Variants in DMD observed in about 807,000 individuals in gnomAD.
The protein encoded by DMD is dystrophin, also known as mutant dystrophin.
In DMD, 63 loss-of-function variants were observed where a neutral mutation model predicts 330.1. That is an observed-to-expected ratio of 0.19 (90% confidence interval 0.16 to 0.24). DMD has a LOEUF of 0.24. Among genes scored for constraint, DMD ranks in the 10% least tolerant of loss-of-function variants. The pLI is 1.00. For missense variants in DMD, 3,344 were observed against 2,684.1 expected, an observed-to-expected ratio of 1.25 and a Z score of -5.43; for synonymous variants, 1,223 against 959.8, an observed-to-expected ratio of 1.27 and a Z score of -5.07.
chrX:33,129,617 AT>A (rs200389574), intron 1 of DMD, among the ~76,000 whole-genome samples: 19 of 105,694 alleles, frequency 1.8e-4, no homozygotes, highest in African/African-American at 5.8e-4. Flanking sequence ...AATGTGACTG[AT>A]TTTTTTTTTC....
chrX:31,924,616 T>C lies in DMD; in HGVS notation c.6912+4980A>G, dbSNP rs149622628. ...GGTGATTTTTTGAAAATAATACCTG[T>C]ATTATTATCAATATTACAAAAATTA... On this transcript the variant is annotated intron_variant, in intron 47 of 78. Transcript: ENST00000357033. Among the ~76,000 whole-genome samples the C allele has an allele frequency of 3.6e-3, 408 of 112,041 alleles. 2 individuals are homozygous for C. The highest frequency in any genetic ancestry group is 0.012 in the African/African-American group (380 of 30,843).
intron 54 of DMD, among the ~76,000 whole-genome samples, chrX:31,654,578 TA>T (rs1261257320): frequency 1.8e-5 from 2 of 111,749 alleles, no homozygotes; most frequent in Non-Finnish European, 1.9e-5. Flanking sequence ...TACGTAGCCA[TA>T]AAAAAAGAAT....
intron 17 of DMD, among the ~76,000 whole-genome samples, chrX:32,522,373 GCAT>G (rs1569565281): frequency 9.0e-6 from 1 of 110,990 alleles, no homozygotes; most frequent in African/African-American, 3.3e-5. Flanking sequence ...TTTAATTGAC[GCAT>G]AATAGATGTA....
chrX:31,700,176 A>G (rs2083717500), intron 52 of DMD, among the ~76,000 whole-genome samples: 1 of 105,013 alleles, frequency 9.5e-6, no homozygotes, highest in Non-Finnish European at 2.0e-5. Flanking sequence ...ACATAGTGAG[A>G]CTCTGTCTCA....
At chrX:31,134,446 G>A (rs1394477950) in intron 76 of DMD, among the ~76,000 whole-genome samples, 21 of 97,805 alleles carry the variant, frequency 2.1e-4, no homozygotes, top group African/African-American at 7.8e-4. Context: ...TTTTTGAGAT[G>A]GAGTCTTGCT....
At chrX:32,426,753 T>C (rs12012720) in intron 29 of DMD, among the ~76,000 whole-genome samples, 16,375 of 111,344 alleles carry the variant, frequency 0.15, 993 homozygotes, top group African/African-American at 0.2. Context: ...GTGGTGCATA[T>C]ACACCATGGA....
At chrX:32,665,282 G>C (rs1422874240) in intron 9 of DMD, among the ~76,000 whole-genome samples, 1 of 111,055 alleles carries the variant, frequency 9.0e-6, no homozygotes, top group Non-Finnish European at 1.9e-5. Context: ...TATGGGCTGT[G>C]GAATCAAAAT....
chrX:32,943,238 T>C (rs943818856), intron 2 of DMD, among the ~76,000 whole-genome samples: 5 of 111,706 alleles, frequency 4.5e-5, no homozygotes, highest in Non-Finnish European at 9.4e-5. Context: ...GTACAGATAA[T>C]TTGATTAAAA....
At chrX:31,183,302 T>C (rs916003119) in intron 67 of DMD, among the ~76,000 whole-genome samples, 1 of 108,782 alleles carries the variant, frequency 9.2e-6, no homozygotes, top group African/African-American at 3.3e-5. Context: ...GGGGGACAAC[T>C]GATTTTTTTT....
chrX:31,661,151 G>A (rs917452389), intron 53 of DMD, among the ~76,000 whole-genome samples: 1 of 111,570 alleles, frequency 9.0e-6, no homozygotes, highest in African/African-American at 3.3e-5. Flanking sequence ...GTAGAAATAC[G>A]CGTGCCATAT....
At chrX:32,959,036 T>A (rs1360618351) in intron 2 of DMD, among the ~76,000 whole-genome samples, 4 of 112,102 alleles carry the variant, frequency 3.6e-5, no homozygotes, top group African/African-American at 1.3e-4. Flanking sequence ...ATATTTATAA[T>A]AAGTTATTAC....
chrX:31,535,790 C>T (rs185646804), intron 55 of DMD, among the ~76,000 whole-genome samples: 1 of 111,748 alleles, frequency 8.9e-6, no homozygotes, highest in East Asian at 2.8e-4. Flanking sequence ...TCTACAAATA[C>T]TGAGGGAGAT....
At chrX:31,769,968 C>G (rs753442314) in intron 51 of DMD, among the ~76,000 whole-genome samples, 1 of 111,866 alleles carries the variant, frequency 8.9e-6, no homozygotes, top group Non-Finnish European at 1.9e-5. Context: ...CATGTATTAA[C>G]ATGTGACCCA....
At chrX:31,147,567 A>C in intron 74 of DMD, 49 bp from the exon 75 acceptor site, 1 of 1,025,041 alleles carries the variant, frequency 9.8e-7, no homozygotes, top group African/African-American at 1.9e-5. Context: ...AGAAAAAGAA[A>C]AAGAAGAAAA....
At chrX:31,823,084 A>G in intron 49 of DMD, among the ~76,000 whole-genome samples, 1 of 112,704 alleles carries the variant, frequency 8.9e-6, no homozygotes, top group Non-Finnish European at 1.9e-5. Flanking sequence ...AATGGGGGGA[A>G]AGGGTACAGG....
chrX:31,401,049 G>C (rs73468350), intron 60 of DMD, among the ~76,000 whole-genome samples: 2,106 of 111,451 alleles, frequency 0.019, 36 homozygotes, highest in East Asian at 0.093. Context: ...ACTCAAACTG[G>C]GTTTGAATGA....
chrX:32,166,754 A>G (rs1423644938), intron 44 of DMD, among the ~76,000 whole-genome samples: 1 of 111,606 alleles, frequency 9.0e-6, no homozygotes, highest in Non-Finnish European at 1.9e-5. Flanking sequence ...AGTCATGCAG[A>G]TTGGCTTAAT....
intron 16 of DMD, among the ~76,000 whole-genome samples, chrX:32,546,311 T>A (rs2048960967): frequency 9.2e-6 from 1 of 108,877 alleles, no homozygotes; most frequent in Non-Finnish European, 1.9e-5. Flanking sequence ...AAGGTCTGTT[T>A]CCAAGGAAGT....
chrX:32,248,918 T>A (rs940481315), intron 43 of DMD, among the ~76,000 whole-genome samples: 1 of 111,574 alleles, frequency 9.0e-6, no homozygotes, highest in African/African-American at 3.2e-5. Context: ...ATTTTTATAA[T>A]AGTATCATTC....
Sources: gnomAD v4.1 joint callset for allele counts (sites outside exome capture counted in the v4.1 genomes callset) on GRCh38, gnomAD v4.1.1 for gene constraint, MANE v1.5 for transcripts, NCBI Gene and HGNC (gene_info 2026-07-23, HGNC 2026-07-21) for gene names.